The following IGSF21 variants were observed in gnomAD, a reference collection of about 807,000 sequenced individuals.
IGSF21 encodes immunoglobin superfamily member 21, also known as immunoglobulin superfamily member 21.
IGSF21 carries 28 observed loss-of-function variants against 46.8 expected under a neutral mutation model. That is an observed-to-expected ratio of 0.60 (90% CI 0.44 to 0.82). The LOEUF is 0.82. IGSF21 is among the 40% of genes least tolerant of loss of function. The pLI is 0.00. For missense variants in IGSF21, 624 were observed against 665.5 expected, an observed-to-expected ratio of 0.94 and a Z score of 0.69; for synonymous variants, 284 against 273.6, an observed-to-expected ratio of 1.04 and a Z score of -0.38.
chr1:18,236,384 T>A (rs1209750708), intron 2 of IGSF21, among the ~76,000 whole-genome samples: 1 of 152,180 alleles, frequency 6.6e-6, no homozygotes, highest in African/African-American at 2.4e-5. Flanking sequence ...GAACTGTGAG[T>A]TCATTAAACT....
intron 2 of IGSF21, among the ~76,000 whole-genome samples, chr1:18,250,500 C>T (rs986079760): frequency 1.3e-5 from 2 of 152,126 alleles, no homozygotes; most frequent in South Asian, 2.1e-4. Context: ...GCCACCCACC[C>T]GTCACCCATC....
At chr1:18,344,318 G>A (rs1417344339) in intron 4 of IGSF21, among the ~76,000 whole-genome samples, 1 of 152,150 alleles carries the variant, frequency 6.6e-6, no homozygotes, top group Non-Finnish European at 1.5e-5. Flanking sequence ...ATAGGTGTGT[G>A]CCACCATGCC....
intron 1 of IGSF21, among the ~76,000 whole-genome samples, chr1:18,118,781 TG>T: frequency 6.6e-6 from 1 of 152,176 alleles, no homozygotes; most frequent in Middle Eastern, 3.4e-3. Context: ...ATGGAGAGCA[TG>T]GGGGTTACCT....
At chr1:18,208,823 C>A (rs925065352) in intron 1 of IGSF21, among the ~76,000 whole-genome samples, 2 of 152,038 alleles carry the variant, frequency 1.3e-5, no homozygotes, top group African/African-American at 2.4e-5. Flanking sequence ...AGATACTAAC[C>A]AGGACACATT....
intron 6 of IGSF21, among the ~76,000 whole-genome samples, chr1:18,368,547 T>TTACAAGCA (rs2086191540): frequency 1.3e-5 from 1 of 74,722 alleles, no homozygotes; most frequent in Non-Finnish European, 3.1e-5. Flanking sequence ...AAAAAAGATA[T>TTACAAGCA]TACAAGCATC....
chr1:18,330,437 AT>A (rs1322744973), intron 3 of IGSF21, among the ~76,000 whole-genome samples: 3 of 152,182 alleles, frequency 2.0e-5, no homozygotes, highest in Non-Finnish European at 2.9e-5. Context: ...CAAAATACAA[AT>A]TTTATTTTTT....
At chr1:18,255,079 G>C (rs1044310690) in intron 2 of IGSF21, among the ~76,000 whole-genome samples, 3 of 152,200 alleles carry the variant, frequency 2.0e-5, no homozygotes, top group Non-Finnish European at 2.9e-5. Context: ...CAGCGAAAGT[G>C]ACAAATTTGG....
At chr1:18,324,497 T>C (rs1025337355) in intron 3 of IGSF21, among the ~76,000 whole-genome samples, 4 of 152,200 alleles carry the variant, frequency 2.6e-5, no homozygotes, top group African/African-American at 9.6e-5. Context: ...ACGGATCACC[T>C]GGTCCAGGTG....
intron 1 of IGSF21, among the ~76,000 whole-genome samples, chr1:18,196,581 G>T (rs1160466704): frequency 6.6e-6 from 1 of 152,220 alleles, no homozygotes; most frequent in Non-Finnish European, 1.5e-5. Flanking sequence ...CCGTGTCAAG[G>T]CTGACCTTTA....
intron 7 of IGSF21, 132 bp from the exon 8 acceptor site, chr1:18,376,668 G>A: frequency 3.7e-6 from 3 of 820,402 alleles, no homozygotes; most frequent in Non-Finnish European, 5.8e-6. Context: ...TCCTCCTGGA[G>A]TTCAGGGCAG....
intron 2 of IGSF21, among the ~76,000 whole-genome samples, chr1:18,271,054 TAGA>T (rs1450870166): frequency 1.3e-5 from 2 of 152,180 alleles, no homozygotes; most frequent in Non-Finnish European, 2.9e-5. Flanking sequence ...GAAATATTAT[TAGA>T]AGGTGTCCTA....
At chr1:18,177,471 A>C (rs541266760) in intron 1 of IGSF21, among the ~76,000 whole-genome samples, 1 of 104,724 alleles carries the variant, frequency 9.5e-6, no homozygotes, top group East Asian at 3.4e-4. Flanking sequence ...AAACCTATCT[A>C]TATTCATGTG....
At chr1:18,186,674 C>CT (rs1362295981) in intron 1 of IGSF21, among the ~76,000 whole-genome samples, 1 of 152,164 alleles carries the variant, frequency 6.6e-6, no homozygotes. Flanking sequence ...GTTGGCTTCC[C>CT]TTTTTTAAGA....
In IGSF21 at chr1:18,322,662, G is replaced by A. The variant is rs998370604; in HGVS notation, c.306-12230G>A. On this transcript the variant is annotated intron_variant, in intron 3 of 9. Coordinates refer to ENST00000251296, the MANE Select transcript of IGSF21 (RefSeq NM_032880.5). The surrounding 1 kb of genome is among the most constrained non-coding windows in gnomAD (Gnocchi z 4.3). ...GCCCCCTGCCTGCCAGTCCTGGGAT[G>A]GCGTCGGGTGAAGGTAGGAAAAACA... is the stretch of plus-strand genomic sequence containing the variant. 2.0e-5 allele frequency among the ~76,000 whole-genome samples: 3 copies of A among 152,134 alleles called. No individual in the cohort carries two copies. The highest frequency in any genetic ancestry group is 7.2e-5 in the African/African-American group (3 of 41,428).
At chr1:18,121,633 G>A (rs2086234702) in intron 1 of IGSF21, among the ~76,000 whole-genome samples, 2 of 152,198 alleles carry the variant, frequency 1.3e-5, no homozygotes, top group African/African-American at 4.8e-5. Flanking sequence ...CATGCCATCT[G>A]TCGGATCTGC....
At chr1:18,291,196 C>T (rs1375552591) in intron 2 of IGSF21, among the ~76,000 whole-genome samples, 2 of 152,168 alleles carry the variant, frequency 1.3e-5, no homozygotes, top group Admixed American at 1.3e-4. Flanking sequence ...CAGCCTTGGG[C>T]TTCCAGCGCT....
intron 3 of IGSF21, among the ~76,000 whole-genome samples, chr1:18,324,061 C>T (rs943656191): frequency 6.6e-6 from 1 of 152,076 alleles, no homozygotes; most frequent in Non-Finnish European, 1.5e-5. Flanking sequence ...GCTGTACAAC[C>T]TGGGAGACCT....
chr1:18,318,030 G>C (rs768817004), intron 3 of IGSF21, among the ~76,000 whole-genome samples: 1 of 152,202 alleles, frequency 6.6e-6, no homozygotes, highest in African/African-American at 2.4e-5. Context: ...GGCCCTAGCA[G>C]TGGGGGCTGA....
chr1:18,375,514 GC>G (rs2086271618), intron 6 of IGSF21, among the ~76,000 whole-genome samples: 1 of 152,194 alleles, frequency 6.6e-6, no homozygotes, highest in Non-Finnish European at 1.5e-5. Flanking sequence ...GGATAGCCAT[GC>G]CTTTGGGCAT....
Sources: allele counts gnomAD v4.1 joint callset (sites outside exome capture counted in the v4.1 genomes callset), GRCh38; gene constraint gnomAD v4.1.1; non-coding constraint Gnocchi (gnomAD v3.1); transcripts MANE v1.5; gene names NCBI Gene and HGNC (gene_info 2026-07-23, HGNC 2026-07-21).